JAK1: variants seen among roughly 807,000 people sequenced by gnomAD.
JAK1 encodes the protein Janus kinase 1.
Under a neutral mutation model 136.6 loss-of-function variants are expected in JAK1, and 16 were observed. The observed-to-expected ratio is 0.12, with a 90% CI of 0.08 to 0.18. JAK1 has a LOEUF of 0.18. Ranked by LOEUF, JAK1 falls within the 10% of genes least tolerant of loss-of-function variation. The pLI is 1.00. For missense variants in JAK1, 859 were observed against 1,450.1 expected (o/e 0.59, Z 6.62); for synonymous variants, 492 against 519.5 (o/e 0.95, Z 0.72).
chr1:64,938,199 A>T (rs28458382), intron 1 of JAK1, among the ~76,000 whole-genome samples: 5,657 of 152,260 alleles, frequency 0.037, 363 homozygotes, highest in African/African-American at 0.13. Context: ...GCTGAAAAAA[A>T]AAAGTTTTTT....
chr1:64,909,736 A>T (rs1645250834), intron 1 of JAK1, among the ~76,000 whole-genome samples: 1 of 151,812 alleles, frequency 6.6e-6, no homozygotes, highest in Non-Finnish European at 1.5e-5. Context: ...AAGTGGGAGG[A>T]TCACCTGAGC....
intron 1 of JAK1, among the ~76,000 whole-genome samples, chr1:64,930,001 ACCTT>A (rs1645660147): frequency 6.6e-6 from 1 of 152,122 alleles, no homozygotes; most frequent in African/African-American, 2.4e-5. Flanking sequence ...GAAACTGGAC[ACCTT>A]CCTTACACCT....
intron 1 of JAK1, among the ~76,000 whole-genome samples, chr1:64,950,611 C>G (rs1208124938): frequency 6.6e-6 from 1 of 152,184 alleles, no homozygotes; most frequent in Non-Finnish European, 1.5e-5. Flanking sequence ...ACATCTCACT[C>G]ACCAAGTAAC....
chr1:64,931,099 T>A (rs1645683476), intron 1 of JAK1, among the ~76,000 whole-genome samples: 1 of 152,164 alleles, frequency 6.6e-6, no homozygotes, highest in Non-Finnish European at 1.5e-5. Flanking sequence ...TATACCTATG[T>A]AACAAACCTG....
chr1:65,058,786 T>C (rs1243307374), intron 1 of JAK1, among the ~76,000 whole-genome samples: 1 of 152,204 alleles, frequency 6.6e-6, no homozygotes, highest in Non-Finnish European at 1.5e-5. Context: ...ACATCAAATA[T>C]GCAGTAAGCT....
At chr1:65,016,704 G>C (rs780121733) in intron 2 of JAK1, among the ~76,000 whole-genome samples, 3 of 152,052 alleles carry the variant, frequency 2.0e-5, no homozygotes, top group Non-Finnish European at 4.4e-5. Context: ...TTAGAGACCA[G>C]CCTGGCCAAA....
chr1:64,916,770 G>A (rs182574), intron 1 of JAK1, among the ~76,000 whole-genome samples: 243 of 151,590 alleles, frequency 1.6e-3, no homozygotes, highest in African/African-American at 5.7e-3. Flanking sequence ...CCGGGAGGCA[G>A]AGGTTGCAGT....
intron 1 of JAK1, among the ~76,000 whole-genome samples, chr1:65,048,939 G>A (rs948363919): frequency 1.3e-5 from 2 of 152,236 alleles, no homozygotes; most frequent in African/African-American, 4.8e-5. Flanking sequence ...AAGTTCAAAA[G>A]CAAATGAAAT....
intron 12 of JAK1, among the ~76,000 whole-genome samples, chr1:64,849,612 T>C (rs781244932): frequency 1.3e-5 from 2 of 152,246 alleles, no homozygotes; most frequent in Non-Finnish European, 2.9e-5. Context: ...TGACTCTTGC[T>C]AACGTGATTA....
At chr1:64,968,366 C>T (rs1411380232), upstream of JAK1, among the ~76,000 whole-genome samples, 1 of 152,134 alleles carries the variant, frequency 6.6e-6, no homozygotes, top group Non-Finnish European at 1.5e-5. Context: ...AGTAACAATT[C>T]AGTGATTCCC....
intron 21 of JAK1, 128 bp from the exon 22 acceptor site, chr1:64,838,232 C>A: frequency 9.7e-7 from 1 of 1,036,138 alleles, no homozygotes; most frequent in Admixed American, 2.9e-5. Flanking sequence ...TTGGTTCTGA[C>A]TTTTATGCAA....
At chr1:64,869,548 G>C in intron 5 of JAK1, 74 bp from the exon 6 acceptor site, 5 of 1,229,616 alleles carry the variant, frequency 4.1e-6, no homozygotes, top group South Asian at 1.3e-5. Context: ...ACACAGGGAG[G>C]GGCCGCCTAG....
At chr1:64,876,527 T>G (rs1644670649) in intron 4 of JAK1, 1 of 152,194 alleles carries the variant, frequency 6.6e-6, no homozygotes, top group African/African-American at 2.4e-5. Flanking sequence ...AGCTTTCTCC[T>G]TAATAAGATG....
At chr1:64,881,635 G>A (rs890427410) in intron 3 of JAK1, among the ~76,000 whole-genome samples, 1 of 152,186 alleles carries the variant, frequency 6.6e-6, no homozygotes, top group African/African-American at 2.4e-5. Context: ...GCCAGTTACA[G>A]AAGAGACACC....
At chr1:65,012,968 C>G (rs1021193352) in intron 2 of JAK1, among the ~76,000 whole-genome samples, 5 of 151,682 alleles carry the variant, frequency 3.3e-5, no homozygotes, top group Non-Finnish European at 5.9e-5. Context: ...TGGTGGCGAG[C>G]ACCTGTAGTC....
At chr1:64,919,777 A>G (rs1645463652) in intron 1 of JAK1, among the ~76,000 whole-genome samples, 1 of 152,188 alleles carries the variant, frequency 6.6e-6, no homozygotes, top group African/African-American at 2.4e-5. Flanking sequence ...ACAGAAATGA[A>G]CAAAAGCATG....
In JAK1 at chr1:64,850,815, C is replaced by T; in HGVS notation, c.1744G>A (p.Asp582Asn). The change falls in exon 12 of 25, where the codon GAT (aspartate) becomes AAT (asparagine). Residue 582 changes from aspartate (D) to asparagine (N), a missense_variant. Coordinates refer to ENST00000342505, the MANE Select transcript of JAK1 (RefSeq NM_002227.4). ...CAGCCGTGACTCACCTGCACCAGATCCTTCTTGAGGATCCGATCGAAACTC... is the reference window on the plus strand; with the variant it reads ...CAGCCGTGACTCACCTGCACCAGATTCTTCTTGAGGATCCGATCGAAACTC... Reference protein sequence around the residue: ...QLSFDRILKKDLVQGEHLGRG... With the variant: ...QLSFDRILKKNLVQGEHLGRG... 1.2e-6 allele frequency: 2 copies of T among 1,613,744 alleles called. No homozygotes were observed. The highest frequency in any genetic ancestry group is 1.1e-5 in the South Asian group (1 of 91,056).
At chr1:65,031,447 A>ATTC (rs1647023116) in intron 2 of JAK1, among the ~76,000 whole-genome samples, 1 of 152,192 alleles carries the variant, frequency 6.6e-6, no homozygotes, top group Non-Finnish European at 1.5e-5. Flanking sequence ...AGTAAGAGAA[A>ATTC]GTCAATGAAA....
At chr1:64,891,386 A>C (rs188591365) in intron 1 of JAK1, among the ~76,000 whole-genome samples, 1 of 152,164 alleles carries the variant, frequency 6.6e-6, no homozygotes, top group Non-Finnish European at 1.5e-5. Flanking sequence ...ATAGTCTAAC[A>C]ACCACCCAGG....
Sources: allele counts gnomAD v4.1 joint callset (sites outside exome capture counted in the v4.1 genomes callset), GRCh38; gene constraint gnomAD v4.1.1; transcripts MANE v1.5; gene names NCBI Gene and HGNC (gene_info 2026-07-23, HGNC 2026-07-21).